Variants in COMMD10 observed in about 807,000 individuals in gnomAD.
The protein encoded by COMMD10 is COMM domain-containing protein 10.
COMMD10 carries 33 observed loss-of-function variants against 28.9 expected under a neutral mutation model. The observed-to-expected ratio is 1.14, with a 90% CI of 0.87 to 1.53. The LOEUF (loss-of-function observed/expected upper bound fraction) is 1.53, where lower values mean the gene tolerates loss of function less well. Among genes scored for constraint, COMMD10 ranks in the 40% most tolerant of loss-of-function variants. The pLI is 0.00. For synonymous variants in COMMD10, 110 were observed against 81.7 expected (o/e 1.35, Z -1.87); for missense variants, 310 against 233.4 (o/e 1.33, Z -2.14).
At chr5:116,176,363 G>A (rs1456788673) in intron 5 of COMMD10, among the ~76,000 whole-genome samples, 2 of 152,078 alleles carry the variant, frequency 1.3e-5, no homozygotes, top group East Asian at 1.9e-4. Flanking sequence ...ATCCACTCTC[G>A]TCGGCCTCCC....
At chr5:116,270,628 C>G (rs1750728536) in intron 5 of COMMD10, among the ~76,000 whole-genome samples, 1 of 151,720 alleles carries the variant, frequency 6.6e-6, no homozygotes, top group African/African-American at 2.4e-5. Flanking sequence ...TAATCATTCC[C>G]ATTATATAAA....
intron 4 of COMMD10, among the ~76,000 whole-genome samples, chr5:116,108,736 AAAAC>A (rs36074819): frequency 1.1e-4 from 16 of 150,972 alleles, no homozygotes; most frequent in African/African-American, 3.7e-4. Flanking sequence ...GGGTATGAAA[AAAAC>A]AAACAAACAA....
At chr5:116,099,212 T>G (rs991188392) in intron 4 of COMMD10, among the ~76,000 whole-genome samples, 19 of 152,200 alleles carry the variant, frequency 1.2e-4, no homozygotes, top group African/African-American at 3.4e-4. Context: ...ATAAATTAGC[T>G]CATACAGTGT....
At chr5:116,171,052 C>G (rs1428956082) in intron 5 of COMMD10, among the ~76,000 whole-genome samples, 3 of 152,106 alleles carry the variant, frequency 2.0e-5, no homozygotes, top group African/African-American at 7.2e-5. Context: ...AAAAGACTAG[C>G]TACAGAATGA....
intron 5 of COMMD10, among the ~76,000 whole-genome samples, chr5:116,281,678 A>C (rs1190354209): frequency 6.6e-6 from 1 of 151,830 alleles, no homozygotes; most frequent in African/African-American, 2.4e-5. Flanking sequence ...AATGTGTTTT[A>C]CAGGAAAATG....
At position 116,147,581 on chromosome 5, in the gene COMMD10, G is replaced by A. The variant is rs73253269; in HGVS notation, c.510+13403G>A. 9.8e-3 allele frequency among the ~76,000 whole-genome samples: 1,487 copies of A among 151,852 alleles called. 27 individuals are homozygous for A. The highest frequency in any genetic ancestry group is 0.033 in the African/African-American group (1,380 of 41,454). On this transcript the variant is annotated intron_variant, in intron 5 of 6. Transcript: ENST00000274458. ...GTCAGTAACTGCTATTATGACATCA[G>A]TGAAACTGTATGTTGTGATTGTTGC... is the stretch of plus-strand genomic sequence containing the variant.
chr5:116,261,155 T>G (rs1047827715), intron 5 of COMMD10, among the ~76,000 whole-genome samples: 1 of 151,946 alleles, frequency 6.6e-6, no homozygotes, highest in African/African-American at 2.4e-5. Context: ...GGAAGAAAAC[T>G]ATAACTAATT....
At chr5:116,154,303 A>T (rs1021951656) in intron 5 of COMMD10, among the ~76,000 whole-genome samples, 6 of 152,170 alleles carry the variant, frequency 3.9e-5, no homozygotes, top group Non-Finnish European at 7.3e-5. Context: ...TGATGATGAG[A>T]TATATAAATA....
chr5:116,241,273 A>G (rs953693788), intron 5 of COMMD10, among the ~76,000 whole-genome samples: 1 of 152,202 alleles, frequency 6.6e-6, no homozygotes. Context: ...AATGGTTTCT[A>G]CCACTAAAAA....
intron 4 of COMMD10, among the ~76,000 whole-genome samples, chr5:116,094,148 A>G (rs901075443): frequency 2.0e-5 from 3 of 152,218 alleles, no homozygotes; most frequent in African/African-American, 4.8e-5. Flanking sequence ...AACATGGACA[A>G]AAAACCCCAA....
In COMMD10 at chr5:116,085,040, G is replaced by C; in HGVS notation, c.-13G>C. 1.9e-6 allele frequency: 3 copies of C among 1,605,954 alleles called. No homozygotes were observed. The highest frequency in any genetic ancestry group is 1.3e-5 in the African/African-American group (1 of 74,952). ...CGCAGCTAACAGACGGCGGCAGTGC[G>C]AGAAAGCCGAAGATGGCGGTCCCCG... is the stretch of plus-strand genomic sequence containing the variant. On this transcript the variant is annotated 5_prime_UTR_variant, in exon 1 of 7. Transcript: ENST00000274458.
intron 3 of COMMD10, 52 bp from the exon 4 acceptor site, chr5:116,092,493 G>C (rs984051981): frequency 1.5e-6 from 2 of 1,322,716 alleles, no homozygotes; most frequent in Non-Finnish European, 2.0e-6. Flanking sequence ...ATAGTTTAAA[G>C]TTTCAGTATG....
At chr5:116,249,860 C>A (rs561954258) in intron 5 of COMMD10, among the ~76,000 whole-genome samples, 1 of 151,728 alleles carries the variant, frequency 6.6e-6, no homozygotes, top group Non-Finnish European at 1.5e-5. Flanking sequence ...TGAAATGAAT[C>A]AACAATGACA....
intron 5 of COMMD10, among the ~76,000 whole-genome samples, chr5:116,176,356 C>A (rs1378250103): frequency 6.6e-6 from 1 of 152,170 alleles, no homozygotes; most frequent in Non-Finnish European, 1.5e-5. Flanking sequence ...TCAAGTGATC[C>A]ACTCTCGTCG....
chr5:116,187,033 T>C (rs573606364), intron 5 of COMMD10, among the ~76,000 whole-genome samples: 1 of 152,302 alleles, frequency 6.6e-6, no homozygotes, highest in African/African-American at 2.4e-5. Context: ...AATCACATTA[T>C]TTATTGAGTA....
chr5:116,131,415 G>A (rs901042141), intron 4 of COMMD10, among the ~76,000 whole-genome samples: 5 of 151,382 alleles, frequency 3.3e-5, no homozygotes, highest in African/African-American at 9.8e-5. Flanking sequence ...GTGTATGTAT[G>A]TATGTATGTA....
chr5:116,201,546 T>G (rs1461176024), intron 5 of COMMD10, among the ~76,000 whole-genome samples: 1 of 152,154 alleles, frequency 6.6e-6, no homozygotes, highest in Non-Finnish European at 1.5e-5. Context: ...CTCTCCAATC[T>G]GGGGGGCAAT....
At chr5:116,232,515 A>G (rs1346975070) in intron 5 of COMMD10, among the ~76,000 whole-genome samples, 1 of 152,082 alleles carries the variant, frequency 6.6e-6, no homozygotes. Context: ...AGCTTGGCCA[A>G]CATGGAGAAA....
intron 5 of COMMD10, among the ~76,000 whole-genome samples, chr5:116,183,349 T>C (rs777571112): frequency 2.0e-5 from 3 of 152,250 alleles, no homozygotes; most frequent in South Asian, 4.1e-4. Context: ...AAAATGTAAA[T>C]GCCTGAAGTA....
Sources: allele counts gnomAD v4.1 joint callset (sites outside exome capture counted in the v4.1 genomes callset), GRCh38; gene constraint gnomAD v4.1.1; transcripts MANE v1.5; gene names NCBI Gene and HGNC (gene_info 2026-07-23, HGNC 2026-07-21).